The following ADAMTS9 variants were observed in gnomAD, a reference collection of about 807,000 sequenced individuals.
ADAMTS9 encodes the protein ADAM metallopeptidase with thrombospondin type 1 motif 9.
In ADAMTS9, 107 loss-of-function variants were observed where a neutral mutation model predicts 257.1. The observed-to-expected ratio is 0.42, with a 90% CI of 0.36 to 0.49. ADAMTS9 has a LOEUF of 0.49. Ranked by LOEUF, ADAMTS9 falls within the 20% of genes least tolerant of loss-of-function variation. ADAMTS9 has a pLI of 0.03. For synonymous variants in ADAMTS9, 982 were observed against 880.9 expected, an observed-to-expected ratio of 1.11 and a Z score of -2.03; for missense variants, 2,353 against 2,469.1, an observed-to-expected ratio of 0.95 and a Z score of 1.00.
chr3:64,627,585 T>A (rs994013023), intron 16 of ADAMTS9, among the ~76,000 whole-genome samples: 6 of 152,188 alleles, frequency 3.9e-5, no homozygotes, highest in African/African-American at 1.4e-4. Context: ...TGTGAAAGGA[T>A]GACCTTTGAC....
chr3:64,560,650 G>A (rs1057435417), intron 30 of ADAMTS9, among the ~76,000 whole-genome samples: 9 of 152,208 alleles, frequency 5.9e-5, no homozygotes, highest in Middle Eastern at 3.4e-3. Context: ...CACCTTGTCT[G>A]GTGGTTAAAA....
At chr3:64,564,438 A>C (rs930032412) in intron 29 of ADAMTS9, among the ~76,000 whole-genome samples, 3 of 152,200 alleles carry the variant, frequency 2.0e-5, no homozygotes, top group Admixed American at 2.0e-4. Flanking sequence ...TATGGTGATG[A>C]CATTAAAGCA....
chr3:64,533,179 A>G lies in ADAMTS9; in HGVS notation c.5705T>C (p.Ile1902Thr), dbSNP rs1180406259. The G allele has an allele frequency of 6.2e-6, 10 of 1,610,968 alleles. No homozygotes were observed. The highest frequency in any genetic ancestry group is 8.5e-6 in the Non-Finnish European group (10 of 1,178,218). Residue 1902 changes from isoleucine to threonine, a missense_variant, in exon 38 of 40, where the codon ATC (isoleucine) becomes ACC (threonine). Around this residue, in one of 3 missense-constraint regions of ADAMTS9, gnomAD observed 1,402 missense variants for 1,441.4 expected, o/e 0.97. Coordinates refer to ENST00000498707, the MANE Select transcript of ADAMTS9 (RefSeq NM_182920.2). ...GTAGAACCTTACCGGCGACTTCTTG[A>G]TGTCAGAGACAGCATAATTCCCTTG... ...ISQGNYAVSDIKKSPDGTRVV... is the reference protein window; with the variant it reads ...ISQGNYAVSDTKKSPDGTRVV...
chr3:64,677,440 G>C (rs1332204486), intron 3 of ADAMTS9, among the ~76,000 whole-genome samples: 1 of 152,160 alleles, frequency 6.6e-6, no homozygotes, highest in African/African-American at 2.4e-5. Context: ...GTTGCATTGG[G>C]TACAGAGGAA....
rs1194718861 is a variant in ADAMTS9, at chr3:64,516,599, C to T, written c.*528G>A. On this transcript the variant is annotated 3_prime_UTR_variant, in exon 40 of 40. Transcript: ENST00000498707. Reference sequence around the variant, plus strand: ...CACATGAAACTGAATACTTATTTAACATAGTTAATAGTTGGTACAATCTGT... The same window carrying T: ...CACATGAAACTGAATACTTATTTAATATAGTTAATAGTTGGTACAATCTGT... 1 of 152,520 alleles carries T rather than the reference C, an allele frequency of 6.6e-6. No individual in the cohort carries two copies. Among genetic ancestry groups the T allele is most frequent in the Non-Finnish European group, 1.5e-5 (1 of 68,024 alleles). The allele number at this position is 152,520 out of a possible 1,614,324, so 9.4% of individuals were successfully genotyped here.
Position 64,594,254 on chromosome 3 carries a change from G to A in ADAMTS9, c.4356+4C>T, listed in dbSNP as rs150420672. ...TTAACAAACATGAATAGTTAGGGCCGTACCGAGCTCCAAGGGCCAGTACTC... is the reference window on the plus strand; with the variant it reads ...TTAACAAACATGAATAGTTAGGGCCATACCGAGCTCCAAGGGCCAGTACTC... On this transcript the variant is annotated splice_donor_region_variant and intron_variant, in intron 28 of 39. Transcript: ENST00000498707. 4.0e-3 allele frequency: 6,418 copies of A among 1,612,310 alleles called. 14 individuals carry two copies. The highest frequency in any genetic ancestry group is 4.9e-3 in the Non-Finnish European group (5,725 of 1,178,946).
intron 19 of ADAMTS9, among the ~76,000 whole-genome samples, chr3:64,617,283 C>G (rs755875471): frequency 3.3e-4 from 50 of 152,118 alleles, no homozygotes; most frequent in Admixed American, 3.1e-3. Context: ...TCACCATTTC[C>G]TTGTGGAAAG....
At chr3:64,526,566 C>A (rs893537628) in intron 38 of ADAMTS9, among the ~76,000 whole-genome samples, 1 of 152,164 alleles carries the variant, frequency 6.6e-6, no homozygotes, top group Non-Finnish European at 1.5e-5. Flanking sequence ...ACTTTCTCAC[C>A]TGGCTTAAGT....
chr3:64,518,404 T>A (rs77975864), intron 39 of ADAMTS9, among the ~76,000 whole-genome samples: 1 of 152,148 alleles, frequency 6.6e-6, no homozygotes, highest in East Asian at 1.9e-4. Context: ...GTGGGTCACA[T>A]GAATTGGTTG....
intron 3 of ADAMTS9, among the ~76,000 whole-genome samples, chr3:64,659,019 G>GA (rs1480417770): frequency 6.6e-6 from 1 of 152,184 alleles, no homozygotes; most frequent in Non-Finnish European, 1.5e-5. Flanking sequence ...TACGGTATTA[G>GA]AAAATCAGGC....
At chr3:64,593,367 T>TCTACCCAGTATGTTTTAGTA (rs2084297208) in intron 28 of ADAMTS9, among the ~76,000 whole-genome samples, 1 of 152,136 alleles carries the variant, frequency 6.6e-6, no homozygotes, top group Non-Finnish European at 1.5e-5. Context: ...AAAAAAACAT[T>TCTACCCAGTATGTTTTAGTA]CTGGATATGA....
chr3:64,659,233 C>T (rs551829004), intron 3 of ADAMTS9, among the ~76,000 whole-genome samples: 1 of 152,136 alleles, frequency 6.6e-6, no homozygotes, highest in South Asian at 2.1e-4. Context: ...TTTGGGAGGC[C>T]GAGGCAGGTG....
chr3:64,561,866 G>A, intron 29 of ADAMTS9, 115 bp from the exon 30 acceptor site: 1 of 875,910 alleles, frequency 1.1e-6, no homozygotes, highest in Non-Finnish European at 1.7e-6. Context: ...GACTTTCATA[G>A]CTATCACATC....
At chr3:64,597,445 T>G (rs982181216) in intron 26 of ADAMTS9, among the ~76,000 whole-genome samples, 2 of 152,230 alleles carry the variant, frequency 1.3e-5, no homozygotes, top group African/African-American at 2.4e-5. Context: ...TTGCCAGTTG[T>G]AGAAATTAAG....
At chr3:64,672,231 T>C (rs1467391158) in intron 3 of ADAMTS9, among the ~76,000 whole-genome samples, 1 of 152,230 alleles carries the variant, frequency 6.6e-6, no homozygotes, top group Non-Finnish European at 1.5e-5. Flanking sequence ...TTCACCCTTG[T>C]AGCACCCCTT....
rs34998404 is a variant in ADAMTS9, at chr3:64,611,075, C to CA, written c.3354+2269dup. Among the ~76,000 whole-genome samples, 425 of 71,750 alleles carry CA rather than the reference C, an allele frequency of 5.9e-3. 4 individuals carry two copies. Among genetic ancestry groups the CA allele is most frequent in the Non-Finnish European group, 8.0e-3 (297 of 37,198 alleles). The allele number at this position is 71,750 out of a possible 152,430, so 47.1% of individuals were successfully genotyped here. ...TGGGCGACAGAGTGAGACTCTGTCT[C>CA]AAAAAAAAAAAAAAAAAAAAAAAAA... On this transcript the variant is annotated intron_variant, in intron 22 of 39. Coordinates refer to ENST00000498707, the MANE Select transcript of ADAMTS9 (RefSeq NM_182920.2).
At chr3:64,611,606 C>A (rs2084666753) in intron 22 of ADAMTS9, among the ~76,000 whole-genome samples, 1 of 152,106 alleles carries the variant, frequency 6.6e-6, no homozygotes, top group Non-Finnish European at 1.5e-5. Context: ...GAAACTGTTC[C>A]ACCTCAGATC....
intron 26 of ADAMTS9, among the ~76,000 whole-genome samples, chr3:64,598,030 C>T (rs73832338): frequency 0.13 from 19,303 of 152,184 alleles, 1,828 homozygotes; most frequent in African/African-American, 0.27. Context: ...TCAAACATTG[C>T]TTCTTGCTGG....
chr3:64,641,304 T>C (rs1194041844), intron 12 of ADAMTS9, among the ~76,000 whole-genome samples: 4 of 151,544 alleles, frequency 2.6e-5, no homozygotes, highest in Non-Finnish European at 5.9e-5. Flanking sequence ...TGCTTTTTTG[T>C]TGTTTTTTTA....
Sources: allele counts gnomAD v4.1 joint callset (sites outside exome capture counted in the v4.1 genomes callset), GRCh38; gene constraint gnomAD v4.1.1; regional missense constraint gnomAD v4.1.1; transcripts MANE v1.5; gene names NCBI Gene and HGNC (gene_info 2026-07-23, HGNC 2026-07-21).